The following SNRPN variants were observed in gnomAD, a reference collection of about 807,000 sequenced individuals.
The protein encoded by SNRPN is small nuclear ribonucleoprotein polypeptide N.
In SNRPN, 7 loss-of-function variants were observed where a neutral mutation model predicts 25.2. The observed-to-expected ratio is 0.28, with a 90% CI of 0.16 to 0.52. The LOEUF is 0.52. Ranked by LOEUF, SNRPN falls within the 20% of genes least tolerant of loss-of-function variation. SNRPN has a pLI of 0.96. For synonymous variants in SNRPN, 124 were observed against 110.6 expected, an observed-to-expected ratio of 1.12 and a Z score of -0.76; for missense variants, 196 against 322.5, an observed-to-expected ratio of 0.61 and a Z score of 3.00.
chr15:24,938,807 T>A (rs2153002722), intron 3 of SNRPN, among the ~76,000 whole-genome samples: 1 of 152,266 alleles, frequency 6.6e-6, no homozygotes, highest in East Asian at 1.9e-4. Flanking sequence ...TGGTCTCTAG[T>A]GACTTGGTTT....
chr15:24,930,469 T>C (rs1328563371), intron 3 of SNRPN, among the ~76,000 whole-genome samples: 2 of 151,312 alleles, frequency 1.3e-5, no homozygotes, highest in African/African-American at 2.4e-5. Flanking sequence ...AACTCAGCTT[T>C]GCTGGCTGTG....
intron 3 of SNRPN, among the ~76,000 whole-genome samples, chr15:24,945,262 A>G (rs1287374112): frequency 6.6e-6 from 1 of 150,834 alleles, no homozygotes; most frequent in Non-Finnish European, 1.5e-5. Flanking sequence ...TGAACTTCAT[A>G]TAATGTTCAC....
At chr15:24,914,800 T>G (rs2152318915) in intron 2 of SNRPN, among the ~76,000 whole-genome samples, 1 of 152,200 alleles carries the variant, frequency 6.6e-6, no homozygotes, top group African/African-American at 2.4e-5. Context: ...GAAAACTTTA[T>G]TCAGGACCAT....
chr15:24,952,279 C>T (rs2062341799), upstream of SNRPN, among the ~76,000 whole-genome samples: 2 of 152,086 alleles, frequency 1.3e-5, no homozygotes, highest in African/African-American at 4.8e-5. Flanking sequence ...TTCTAGTCTC[C>T]TTTGTCTATT....
At chr15:24,936,972 C>T (rs1032207329) in intron 3 of SNRPN, among the ~76,000 whole-genome samples, 1 of 152,108 alleles carries the variant, frequency 6.6e-6, no homozygotes, top group Non-Finnish European at 1.5e-5. Flanking sequence ...CGGCCAGGTG[C>T]GATGGCTCAC....
intron 1 of SNRPN, among the ~76,000 whole-genome samples, chr15:24,872,070 A>G (rs1465130922): frequency 8.3e-6 from 1 of 120,794 alleles, no homozygotes; most frequent in African/African-American, 2.9e-5. Context: ...AAACATTTTA[A>G]AAAATAGATG....
rs964007398 is a variant in SNRPN, at chr15:24,965,849, G to A, written c.-294-2083G>A. Among the ~76,000 whole-genome samples the A allele has an allele frequency of 3.3e-5, 5 of 151,446 alleles. No individual in the cohort carries two copies. The East Asian group carries it at 7.7e-4, about 23-fold the overall frequency. ...ACATTGCAATAGAGAATTATCTTAC[G>A]TTTCAAGATAACATTATATATATTT... On this transcript the variant is annotated intron_variant, in intron 2 of 9. Transcript: ENST00000390687.
chr15:24,828,701 A>C lies in SNRPN; in HGVS notation c.-686-1097A>C, dbSNP rs74644893. ...TGAATATCCATTGCACTGCAGCCTG[A>C]GAAATATAGCTAGGCTCCATCTCTA... is the stretch of plus-strand genomic sequence containing the variant. On this transcript the variant is annotated intron_variant, in intron 1 of 12. Transcript: ENST00000400100. 7.3e-3 allele frequency among the ~76,000 whole-genome samples: 1,115 copies of C among 152,286 alleles called. 16 individuals are homozygous for C. The highest frequency in any genetic ancestry group is 0.025 in the African/African-American group (1,032 of 41,498).
intron 1 of SNRPN, among the ~76,000 whole-genome samples, chr15:24,879,956 C>G (rs193114750): frequency 6.6e-6 from 1 of 152,142 alleles, no homozygotes. Context: ...GTGGGTGAAC[C>G]TGTTGAGTTA....
At chr15:24,923,152 T>C (rs1251661445) in intron 3 of SNRPN, among the ~76,000 whole-genome samples, 2 of 152,114 alleles carry the variant, frequency 1.3e-5, no homozygotes, top group African/African-American at 4.8e-5. Flanking sequence ...GTGATCTGCC[T>C]GCCTCAGCCT....
intron 2 of SNRPN, among the ~76,000 whole-genome samples, chr15:24,910,640 G>A (rs1330006555): frequency 2.6e-5 from 4 of 152,004 alleles, no homozygotes; most frequent in African/African-American, 7.2e-5. Context: ...GATTACAGGC[G>A]CCCGCCACCA....
intron 1 of SNRPN, among the ~76,000 whole-genome samples, chr15:24,864,923 G>A (rs1566840942): frequency 6.6e-6 from 1 of 151,940 alleles, no homozygotes; most frequent in East Asian, 1.9e-4. Context: ...TAAAAATCAT[G>A]AGATCTATAA....
At chr15:24,976,279 C>T (rs758719130) in intron 5 of SNRPN, 26 bp from the exon 6 acceptor site, 13 of 1,564,330 alleles carry the variant, frequency 8.3e-6, no homozygotes, top group Middle Eastern at 1.7e-4. Flanking sequence ...AAATTTATCT[C>T]ACTAAAATTT....
rs1009794350 is a variant in SNRPN at position 24,863,734 on chromosome 15, C to A, written c.-579+7018C>A. On this transcript the variant is annotated intron_variant, in intron 1 of 11. Transcript: ENST00000400097. ...TCATGTCTCCTCATTTCAGGGGGAG[C>A]CACCCCTGCATGTTCATAAGCAGGA... Among the ~76,000 whole-genome samples the A allele has an allele frequency of 6.0e-5, 9 of 150,730 alleles. No homozygotes were observed. In the South Asian group the frequency reaches 1.9e-3, roughly 31 times the overall value.
At chr15:24,952,000 T>C (rs182228717), upstream of SNRPN, among the ~76,000 whole-genome samples, 289 of 152,310 alleles carry the variant, frequency 1.9e-3, 7 homozygotes, top group African/African-American at 6.8e-3. Context: ...GTGTCATATC[T>C]AAGAAACTGT....
At chr15:24,827,930 GATAAA>G in intron 1 of SNRPN, among the ~76,000 whole-genome samples, 1 of 149,126 alleles carries the variant, frequency 6.7e-6, no homozygotes, top group Non-Finnish European at 1.5e-5. Flanking sequence ...CACAAGATAA[GATAAA>G]TTTTCAACTC....
chr15:24,898,875 G>A (rs113715730), intron 2 of SNRPN, among the ~76,000 whole-genome samples: 4 of 152,300 alleles, frequency 2.6e-5, no homozygotes, highest in African/African-American at 9.6e-5. Context: ...GGCTGCGAAG[G>A]CCCCAAGCTC....
chr15:24,922,104 T>C (rs2060061901), intron 3 of SNRPN, among the ~76,000 whole-genome samples: 2 of 149,364 alleles, frequency 1.3e-5, no homozygotes, highest in African/African-American at 4.9e-5. Context: ...TCCCAGCTAC[T>C]AGGGAGACTA....
At chr15:24,916,523 C>G (rs1328716046) in intron 2 of SNRPN, among the ~76,000 whole-genome samples, 1 of 151,884 alleles carries the variant, frequency 6.6e-6, no homozygotes, top group Non-Finnish European at 1.5e-5. Context: ...ACACTGCACT[C>G]CAGCCCATGT....
Sources: allele counts gnomAD v4.1 joint callset (sites outside exome capture counted in the v4.1 genomes callset), GRCh38; gene constraint gnomAD v4.1.1; transcripts MANE v1.5; gene names NCBI Gene and HGNC (gene_info 2026-07-23, HGNC 2026-07-21).